Variants in GK5 observed in about 807,000 individuals in gnomAD.
GK5 encodes the protein ATP:glycerol 3-phosphotransferase 5.
In GK5, 39 loss-of-function variants were observed where a neutral mutation model predicts 77.3. That is an observed-to-expected ratio of 0.50 (90% CI 0.39 to 0.66). GK5 has a LOEUF of 0.66. Ranked by LOEUF, GK5 falls within the 30% of genes least tolerant of loss-of-function variation. The probability of loss-of-function intolerance (pLI) is 0.00; values close to 1 mark genes in which losing one functional copy is unlikely to be tolerated. For missense variants in GK5, 487 were observed against 633.8 expected (o/e 0.77, Z 2.49); for synonymous variants, 211 against 208.0 (o/e 1.01, Z -0.13).
intron 4 of GK5, among the ~76,000 whole-genome samples, chr3:142,200,082 T>C (rs2107788525): frequency 6.6e-6 from 1 of 150,940 alleles, no homozygotes; most frequent in South Asian, 2.1e-4. Context: ...ACACCTTCTT[T>C]ATTTCTATAT....
At chr3:142,193,930 G>A (rs933075635) in intron 5 of GK5, among the ~76,000 whole-genome samples, 1 of 151,938 alleles carries the variant, frequency 6.6e-6, no homozygotes, top group African/African-American at 2.4e-5. Context: ...TAGTAGAGAC[G>A]GGGTTTCACC....
At chr3:142,214,032 C>T (rs2064236097) in intron 2 of GK5, among the ~76,000 whole-genome samples, 1 of 152,128 alleles carries the variant, frequency 6.6e-6, no homozygotes, top group East Asian at 1.9e-4. Context: ...CCATGTTGGC[C>T]AGCCTGGTCT....
chr3:142,214,369 C>G (rs2064242409), intron 2 of GK5, among the ~76,000 whole-genome samples: 1 of 152,104 alleles, frequency 6.6e-6, no homozygotes, highest in Non-Finnish European at 1.5e-5. Flanking sequence ...AGGATGCAAA[C>G]AAAAATATTG....
chr3:142,170,080 A>C (rs1220612196), intron 15 of GK5: 1 of 557,494 alleles, frequency 1.8e-6, no homozygotes, highest in Non-Finnish European at 3.2e-6. Flanking sequence ...GACGCAGCTG[A>C]GAATTAACTG....
intron 11 of GK5, among the ~76,000 whole-genome samples, chr3:142,178,938 G>T (rs776039291): frequency 6.6e-6 from 1 of 152,170 alleles, no homozygotes; most frequent in Non-Finnish European, 1.5e-5. Flanking sequence ...AATTGATATT[G>T]TCTATGTTTT....
rs755524536 is a variant in GK5 at position 142,204,675 on chromosome 3, T to C, written c.411+20A>G. 7.9e-7 allele frequency: 1 copy of C among 1,272,580 alleles called. No homozygotes were observed. Among genetic ancestry groups the C allele is most frequent in the South Asian group, 1.2e-5 (1 of 82,388 alleles). The allele number at this position is 1,272,580 out of a possible 1,614,324, so 78.8% of individuals were successfully genotyped here. ...AAAAAAAAAACCAACAATATCCAAA[T>C]CACACAAGAAAAAGATTACCTTCAT... On this transcript the variant is annotated intron_variant, in intron 4 of 15. Coordinates refer to ENST00000392993, the MANE Select transcript of GK5 (RefSeq NM_001039547.3).
At chr3:142,215,790 A>C in intron 1 of GK5, 98 bp from the exon 2 acceptor site, 1 of 598,160 alleles carries the variant, frequency 1.7e-6, no homozygotes. Context: ...AATTAACATG[A>C]TTTTATTATC....
At chr3:142,196,690 T>A (rs1406807139) in intron 5 of GK5, among the ~76,000 whole-genome samples, 1 of 152,200 alleles carries the variant, frequency 6.6e-6, no homozygotes, top group African/African-American at 2.4e-5. Context: ...TCGTATAATT[T>A]CAACCCCTTT....
intron 11 of GK5, among the ~76,000 whole-genome samples, chr3:142,180,459 T>C (rs940213132): frequency 1.3e-5 from 2 of 151,916 alleles, no homozygotes; most frequent in African/African-American, 2.4e-5. Flanking sequence ...CACACCACCA[T>C]GCCCGGCTAA....
At chr3:142,212,978 G>T (rs1182852124) in intron 3 of GK5, among the ~76,000 whole-genome samples, 1 of 151,632 alleles carries the variant, frequency 6.6e-6, no homozygotes, top group Non-Finnish European at 1.5e-5. Flanking sequence ...GGGACTACAG[G>T]CGCTCGCCAC....
intron 1 of GK5, among the ~76,000 whole-genome samples, chr3:142,219,109 G>A (rs1310648943): frequency 6.6e-6 from 1 of 152,182 alleles, no homozygotes; most frequent in Non-Finnish European, 1.5e-5. Context: ...ATACATTGTT[G>A]ATGAGAATGC....
chr3:142,180,591 C>A (rs756437910), intron 11 of GK5, among the ~76,000 whole-genome samples: 1 of 152,124 alleles, frequency 6.6e-6, no homozygotes, highest in South Asian at 2.1e-4. Flanking sequence ...CGTGAGCCAC[C>A]GCGCCCAGCC....
chr3:142,166,511 C>T (rs181925361), intron 15 of GK5, among the ~76,000 whole-genome samples: 2 of 152,064 alleles, frequency 1.3e-5, no homozygotes, highest in East Asian at 3.9e-4. Flanking sequence ...AAGGAAGGAT[C>T]ATATGATATA....
chr3:142,167,339 A>T (rs1434740959), intron 15 of GK5, among the ~76,000 whole-genome samples: 2 of 152,030 alleles, frequency 1.3e-5, no homozygotes, highest in Non-Finnish European at 2.9e-5. Flanking sequence ...GCACCACTGC[A>T]CTCCAGCTTG....
At chr3:142,170,876 TTATA>T (rs1219474351) in intron 14 of GK5, among the ~76,000 whole-genome samples, 2 of 152,178 alleles carry the variant, frequency 1.3e-5, no homozygotes, top group African/African-American at 4.8e-5. Flanking sequence ...TGATATTGTA[TTATA>T]TTCTCCATAA....
intron 15 of GK5, among the ~76,000 whole-genome samples, chr3:142,168,779 C>T (rs1418476695): frequency 1.5e-5 from 2 of 134,568 alleles, no homozygotes; most frequent in Non-Finnish European, 3.1e-5. Flanking sequence ...CCTTCAGGAT[C>T]AGGTCCGAAC....
chr3:142,172,857 A>C (rs1328275508), intron 12 of GK5, among the ~76,000 whole-genome samples: 1 of 152,200 alleles, frequency 6.6e-6, no homozygotes, highest in Admixed American at 6.5e-5. Context: ...GCTTTCTACA[A>C]AAATGTACTT....
In GK5 at chr3:142,182,774, G is replaced by GA; in HGVS notation, c.943+148dup. On this transcript the variant is annotated intron_variant, in intron 10 of 15. Coordinates refer to ENST00000392993, the MANE Select transcript of GK5 (RefSeq NM_001039547.3). ...TTATGCTTTTCACTTAAAGGGAAAAGAAAGGGAAATGATAATTAACTGTCT... is the reference window on the plus strand; with the variant it reads ...TTATGCTTTTCACTTAAAGGGAAAAGAAAAGGGAAATGATAATTAACTGTCT... 9.3e-6 allele frequency: 5 copies of GA among 538,652 alleles called. No individual in the cohort carries two copies. The South Asian group carries it at 1.0e-4, about 11-fold the overall frequency. The allele number at this position is 538,652 out of a possible 1,614,324, so 33.4% of individuals were successfully genotyped here. A position where few individuals can be genotyped will look rare whatever the true frequency, so the allele number is the denominator to read the frequency against.
intron 12 of GK5, among the ~76,000 whole-genome samples, chr3:142,175,003 C>T (rs896946532): frequency 6.6e-6 from 1 of 152,096 alleles, no homozygotes; most frequent in Admixed American, 6.6e-5. Flanking sequence ...GGACACAGAG[C>T]AAAGCTGGTA....
Sources: gnomAD v4.1 joint callset for allele counts (sites outside exome capture counted in the v4.1 genomes callset) on GRCh38, gnomAD v4.1.1 for gene constraint, MANE v1.5 for transcripts, NCBI Gene and HGNC (gene_info 2026-07-23, HGNC 2026-07-21) for gene names.